Variants in USH2A observed in about 807,000 individuals in gnomAD.
USH2A encodes the protein usherin.
A neutral mutation model predicts 538.9 loss-of-function variants in USH2A; 443 were observed. The ratio of observed to expected loss-of-function variants is 0.82; its 90% CI spans 0.76 to 0.89. The LOEUF is 0.89. Among genes scored for constraint, USH2A ranks in the 40% least tolerant of loss-of-function variants. The pLI is 0.00. For synonymous variants in USH2A, 2,413 were observed against 2,273.5 expected, an observed-to-expected ratio of 1.06 and a Z score of -1.75; for missense variants, 6,633 against 6,324.8, an observed-to-expected ratio of 1.05 and a Z score of -1.65.
chr1:215,774,061 C>T (rs1661382173), intron 55 of USH2A, among the ~76,000 whole-genome samples: 1 of 151,970 alleles, frequency 6.6e-6, no homozygotes, highest in Non-Finnish European at 1.5e-5. Flanking sequence ...CCAATTTCCT[C>T]CCCCCCATTG....
At chr1:216,327,473 G>A in intron 5 of USH2A, 118 bp downstream of exon 5, 1 of 1,203,506 alleles carries the variant, frequency 8.3e-7, no homozygotes, top group Non-Finnish European at 1.2e-6. Flanking sequence ...TTAATTAGGT[G>A]AAGTTTGCCA....
At chr1:216,276,892 T>C (rs1334140680) in intron 11 of USH2A, among the ~76,000 whole-genome samples, 1 of 152,090 alleles carries the variant, frequency 6.6e-6, no homozygotes, top group Non-Finnish European at 1.5e-5. Context: ...GTGGGAATTA[T>C]GGGAGCTATT....
intron 60 of USH2A, among the ~76,000 whole-genome samples, chr1:215,729,150 C>G (rs923454927): frequency 6.6e-6 from 1 of 152,076 alleles, no homozygotes; most frequent in Non-Finnish European, 1.5e-5. Flanking sequence ...TGAGGATGAT[C>G]CTTTTGCTGC....
rs572577749 is a variant in USH2A, at chr1:216,322,567, A to T, written c.1551-591T>A. On this transcript the variant is annotated intron_variant, in intron 8 of 71. Transcript: ENST00000307340. ...GGTTGCAACGAGCCATGATCATGCC[A>T]TTGCATGCCAGCCTGGGTGACAGAG... Among the ~76,000 whole-genome samples, 149 of 149,356 alleles carry T rather than the reference A, an allele frequency of 1.0e-3. 1 individual carries two copies. The highest frequency in any genetic ancestry group is 3.5e-3 in the African/African-American group (143 of 40,358).
intron 32 of USH2A, among the ~76,000 whole-genome samples, chr1:216,003,480 T>G (rs1199121999): frequency 6.6e-6 from 1 of 151,982 alleles, no homozygotes. Context: ...GAGGCCTCAT[T>G]GGGAAGGTGG....
At chr1:216,170,908 G>A (rs896208800) in intron 21 of USH2A, among the ~76,000 whole-genome samples, 25 of 152,050 alleles carry the variant, frequency 1.6e-4, no homozygotes, top group African/African-American at 6.0e-4. Flanking sequence ...TGCTATTTCT[G>A]TGTTGGAAGA....
Position 216,289,282 on chromosome 1 carries a change from G to C in USH2A, c.1969C>G (p.Gln657Glu). 5 of 1,613,774 alleles carry C rather than the reference G, an allele frequency of 3.1e-6. No individual in the cohort carries two copies. Among genetic ancestry groups the C allele is most frequent in the Non-Finnish European group, 4.2e-6 (5 of 1,179,756 alleles). Residue 657 changes from glutamine (Q) to glutamate (E), a missense_variant and splice_region_variant, in exon 11 of 72, where the codon CAG (glutamine) becomes GAG (glutamate). Transcript: ENST00000307340. Reference protein sequence around the residue: ...GTRNGSILCDQIGGQCNCKRH... With the variant: ...GTRNGSILCDEIGGQCNCKRH... ...CTTAAATACTCAGAAAAACTCACCT[G>C]ATCACAAAGAATGCTACCATTTCTA...
At chr1:216,013,285 C>T (rs185920786) in intron 32 of USH2A, among the ~76,000 whole-genome samples, 83,865 of 141,908 alleles carry the variant, frequency 0.59, 25,396 homozygotes, top group East Asian at 0.73. Flanking sequence ...CACAAGACCT[C>T]CCTTCAGCTT....
At chr1:216,341,004 G>A (rs755537267) in intron 4 of USH2A, among the ~76,000 whole-genome samples, 79 of 152,174 alleles carry the variant, frequency 5.2e-4, no homozygotes, top group Non-Finnish European at 1.0e-3. Flanking sequence ...GGGCAATCAG[G>A]CAAGAGAAAG....
chr1:216,004,909 C>T (rs1668356833), intron 32 of USH2A, among the ~76,000 whole-genome samples: 1 of 152,126 alleles, frequency 6.6e-6, no homozygotes, highest in African/African-American at 2.4e-5. Context: ...GGTGCCAATA[C>T]TGGTAGGTGG....
chr1:215,836,542 AAT>A (rs1299488683), intron 47 of USH2A, among the ~76,000 whole-genome samples: 13 of 17,772 alleles, frequency 7.3e-4, no homozygotes, highest in Non-Finnish European at 6.6e-4. Context: ...ATATATATAT[AAT>A]ATATATATAT....
chr1:215,773,394 G>C (rs2102754590), intron 55 of USH2A, among the ~76,000 whole-genome samples: 1 of 152,032 alleles, frequency 6.6e-6, no homozygotes, highest in South Asian at 2.1e-4. Context: ...ACCAATCTGT[G>C]AGCCCTATAT....
At chr1:216,368,758 G>C (rs2038646740) in intron 3 of USH2A, among the ~76,000 whole-genome samples, 1 of 152,092 alleles carries the variant, frequency 6.6e-6, no homozygotes, top group Non-Finnish European at 1.5e-5. Flanking sequence ...CTTTTCCAAG[G>C]AGTTGCTTTG....
At chr1:216,172,751 G>T (rs2034296066) in intron 21 of USH2A, among the ~76,000 whole-genome samples, 1 of 152,088 alleles carries the variant, frequency 6.6e-6, no homozygotes, top group Admixed American at 6.6e-5. Context: ...AACACTACTT[G>T]CTGTTTGTGA....
chr1:216,063,738 G>C (rs1477584932), intron 30 of USH2A, among the ~76,000 whole-genome samples: 2 of 151,990 alleles, frequency 1.3e-5, no homozygotes, highest in Non-Finnish European at 2.9e-5. Context: ...ATATATAGAA[G>C]TCTTCACTTA....
At chr1:215,675,722 C>A (rs769250370) in intron 62 of USH2A, 106 bp from the exon 63 acceptor site, 8 of 1,582,832 alleles carry the variant, frequency 5.1e-6, no homozygotes, top group Non-Finnish European at 6.9e-6. Flanking sequence ...ATTTTGATGA[C>A]CCTAATTTAG....
chr1:215,722,607 C>T (rs1451330566), intron 61 of USH2A, among the ~76,000 whole-genome samples: 2 of 152,108 alleles, frequency 1.3e-5, no homozygotes, highest in South Asian at 2.1e-4. Flanking sequence ...TCCTCCTTGA[C>T]ATTGGGAAAG....
At chr1:216,011,732 A>G (rs1281440882) in intron 32 of USH2A, among the ~76,000 whole-genome samples, 3 of 151,860 alleles carry the variant, frequency 2.0e-5, no homozygotes, top group Non-Finnish European at 4.4e-5. Flanking sequence ...AATTTCCAAA[A>G]TCTATTTTCT....
chr1:215,748,152 A>AGTTTT (rs1348846995), intron 58 of USH2A, among the ~76,000 whole-genome samples: 7 of 151,914 alleles, frequency 4.6e-5, no homozygotes, highest in Non-Finnish European at 1.0e-4. Context: ...CGGCCTCCCA[A>AGTTTT]GTTTTGTTTT....
Sources: gnomAD v4.1 joint callset for allele counts (sites outside exome capture counted in the v4.1 genomes callset) on GRCh38, gnomAD v4.1.1 for gene constraint, MANE v1.5 for transcripts, NCBI Gene and HGNC (gene_info 2026-07-23, HGNC 2026-07-21) for gene names.